The following TOX4 variants were observed in gnomAD, a reference collection of about 807,000 sequenced individuals.
TOX4 encodes TOX high mobility group box family member 4.
Under a neutral mutation model 61.0 loss-of-function variants are expected in TOX4, and 12 were observed. The ratio of observed to expected loss-of-function variants is 0.20; its 90% CI spans 0.13 to 0.32. The LOEUF (loss-of-function observed/expected upper bound fraction) is 0.32, where lower values mean the gene tolerates loss of function less well. Ranked by LOEUF, TOX4 falls within the 10% of genes least tolerant of loss-of-function variation. The pLI is 1.00. For missense variants in TOX4, 499 were observed against 753.3 expected (o/e 0.66, Z 3.95); for synonymous variants, 268 against 274.8 (o/e 0.98, Z 0.24).
At chr14:21,488,419 CT>C in intron 3 of TOX4, 170 bp from the exon 4 acceptor site, 1 of 712,630 alleles carries the variant, frequency 1.4e-6, no homozygotes, top group Admixed American at 3.1e-5. Flanking sequence ...AATTTCTGTA[CT>C]TTTTTAAAAA....
rs765821188 is a variant in TOX4 at position 21,499,094 on chromosome 14, A to G, written c.*2488A>G. Reference sequence around the variant, plus strand: ...GCGAGTGCCAGGAGATAGTCTTTCAATCATGCCATAGATTTCATCTGGTTT... The same window carrying G: ...GCGAGTGCCAGGAGATAGTCTTTCAGTCATGCCATAGATTTCATCTGGTTT... On this transcript the variant is annotated 3_prime_UTR_variant, in exon 9 of 9. Coordinates refer to ENST00000448790, the MANE Select transcript of TOX4 (RefSeq NM_014828.4). 7 of 1,614,172 alleles carry G rather than the reference A, an allele frequency of 4.3e-6. No individual in the cohort carries two copies. Among genetic ancestry groups the G allele is most frequent in the South Asian group, 2.2e-5 (2 of 91,084 alleles).
At chr14:21,478,818 T>G (rs1432973966) in intron 2 of TOX4, among the ~76,000 whole-genome samples, 1 of 151,996 alleles carries the variant, frequency 6.6e-6, no homozygotes, top group Non-Finnish European at 1.5e-5. Flanking sequence ...TTCTTTCTTT[T>G]TTTTTTTGAG....
In TOX4 at chr14:21,497,260, T is replaced by C. The variant is rs1167115106; in HGVS notation, c.*654T>C. 1 of 152,248 alleles carries C rather than the reference T, an allele frequency of 6.6e-6. No homozygotes were observed. The highest frequency in any genetic ancestry group is 1.9e-4 in the East Asian group (1 of 5,204). The allele number at this position is 152,248 out of a possible 1,614,324, so 9.4% of individuals were successfully genotyped here. A position where few individuals can be genotyped will look rare whatever the true frequency, so the allele number is the denominator to read the frequency against. On this transcript the variant is annotated 3_prime_UTR_variant, in exon 9 of 9. Transcript: ENST00000448790. ...CAAAGTCTAAAGTTGTATTCACTTG[T>C]GTTTGATGAACTATCTTTAAAAGAC...
At position 21,497,579 on chromosome 14, in the gene TOX4, G is replaced by A. The variant is rs1242668045; in HGVS notation, c.*973G>A. 6.8e-6 allele frequency: 1 copy of A among 146,828 alleles called. No individual in the cohort carries two copies. Among genetic ancestry groups the A allele is most frequent in the Non-Finnish European group, 1.5e-5 (1 of 67,248 alleles). The allele number at this position is 146,828 out of a possible 1,614,324, so 9.1% of individuals were successfully genotyped here. A position where few individuals can be genotyped will look rare whatever the true frequency, so the allele number is the denominator to read the frequency against. On this transcript the variant is annotated 3_prime_UTR_variant, in exon 9 of 9. Coordinates refer to ENST00000448790, the MANE Select transcript of TOX4 (RefSeq NM_014828.4). ...GTCTCGCTCTGTCACCCAGGCTGGA[G>A]TGCAGTGGTGCGACCTCAGCTCACT...
In TOX4 at chr14:21,489,422, A is replaced by G. The variant is rs1178135621; in HGVS notation, c.810+19A>G. 6.3e-7 allele frequency: 1 copy of G among 1,594,606 alleles called. No homozygotes were observed. The highest frequency in any genetic ancestry group is 8.5e-7 in the Non-Finnish European group (1 of 1,170,490). Reference sequence around the variant, plus strand: ...AAAACAGGTGAGCAAATATTGAGGAACTAGTAGTGAATGTTCCAGAAGTTT... The same window carrying G: ...AAAACAGGTGAGCAAATATTGAGGAGCTAGTAGTGAATGTTCCAGAAGTTT... On this transcript the variant is annotated intron_variant, in intron 5 of 8. Transcript: ENST00000448790.
At chr14:21,493,568 A>T (rs2139630810) in intron 7 of TOX4, among the ~76,000 whole-genome samples, 1 of 152,018 alleles carries the variant, frequency 6.6e-6, no homozygotes, top group East Asian at 1.9e-4. Context: ...CAGCCTCCCG[A>T]GTGGCTGGGA....
chr14:21,482,438 G>A, intron 2 of TOX4: 1 of 386,758 alleles, frequency 2.6e-6, no homozygotes. Context: ...AGAAATAATA[G>A]ATTGTATGTT....
At chr14:21,480,300 T>C (rs1891086204) in intron 2 of TOX4, among the ~76,000 whole-genome samples, 1 of 152,222 alleles carries the variant, frequency 6.6e-6, no homozygotes, top group South Asian at 2.1e-4. Context: ...AGAAATCTTA[T>C]TTTATTTTGC....
intron 2 of TOX4, among the ~76,000 whole-genome samples, chr14:21,483,106 T>C (rs1353210021): frequency 6.6e-6 from 1 of 152,210 alleles, no homozygotes; most frequent in Non-Finnish European, 1.5e-5. Context: ...AATTTTTTAG[T>C]GTACAAGGAG....
chr14:21,494,563 C>T (rs1594432725), intron 7 of TOX4, among the ~76,000 whole-genome samples: 1 of 151,956 alleles, frequency 6.6e-6, no homozygotes, highest in African/African-American at 2.4e-5. Context: ...CTGGCTAACA[C>T]GGTGAAAACC....
intron 5 of TOX4, among the ~76,000 whole-genome samples, chr14:21,490,519 T>C (rs1486380542): frequency 1.3e-5 from 2 of 152,160 alleles, no homozygotes; most frequent in South Asian, 4.1e-4. Context: ...ATCTTTACAA[T>C]AACTCTCAAA....
chr14:21,493,333 G>C lies in TOX4; in HGVS notation c.1641+76G>C, dbSNP rs895285450. On this transcript the variant is annotated intron_variant, in intron 7 of 8. Transcript: ENST00000448790. ...TTTTGGTTGACCCAATAACAGTGGG[G>C]GTTGCTACTAGCATTTAATGCCCAG... 2.0e-6 allele frequency: 3 copies of C among 1,487,104 alleles called. No homozygotes were observed. The East Asian group carries it at 6.9e-5, about 34-fold the overall frequency. 92.1% of individuals were successfully genotyped at this position (1,487,104 alleles called of 1,614,324 possible). A position where few individuals can be genotyped will look rare whatever the true frequency, so the allele number is the denominator to read the frequency against.
chr14:21,480,158 A>T (rs1478422790), intron 2 of TOX4, among the ~76,000 whole-genome samples: 4 of 152,224 alleles, frequency 2.6e-5, no homozygotes, highest in African/African-American at 9.6e-5. Flanking sequence ...TCACATCAAG[A>T]AACTTCCCAT....
rs930846656 is a variant in TOX4, at chr14:21,477,415, A to G, written c.7-81A>G. 6 of 1,609,974 alleles carry G rather than the reference A, an allele frequency of 3.7e-6. No homozygotes were observed. In the Admixed American group the frequency reaches 8.3e-5, roughly 22 times the overall value. On this transcript the variant is annotated intron_variant, in intron 1 of 8. Transcript: ENST00000448790. ...GCGGGGTTTGGGGAGTGTTGTCAGA[A>G]TGTCAGGGTCAAAAGCCATCGCTCC...
intron 7 of TOX4, among the ~76,000 whole-genome samples, chr14:21,494,812 G>C (rs1013877800): frequency 1.3e-5 from 2 of 151,282 alleles, no homozygotes; most frequent in Non-Finnish European, 2.9e-5. Flanking sequence ...CCAGCTACTT[G>C]GGAGGCTGAG....
rs191278245 is a variant in TOX4, at chr14:21,486,790, A to G, written c.76-661A>G. Among the ~76,000 whole-genome samples, 4 of 152,308 alleles carry G rather than the reference A, an allele frequency of 2.6e-5. No individual in the cohort carries two copies. The East Asian group carries it at 7.7e-4, about 29-fold the overall frequency. ...ACTGGAGTAATCCTTTTCCTCTCTT[A>G]GAGAGAAGCTTGGTCAGAGCAAGAC... is the stretch of plus-strand genomic sequence containing the variant. On this transcript the variant is annotated intron_variant, in intron 2 of 8. Coordinates refer to ENST00000448790, the MANE Select transcript of TOX4 (RefSeq NM_014828.4).
Position 21,492,900 on chromosome 14 carries a change from AGCTGCTGCT to A in TOX4, c.1294_1302del (p.Ala432_Ala434del). On this transcript the variant is annotated inframe_deletion, in exon 7 of 9. Coordinates refer to ENST00000448790, the MANE Select transcript of TOX4 (RefSeq NM_014828.4). ...CTCGGTCAGTGTTGCAGGCAGCAGC[AGCTGCTGCT>A]GCTGCTGCTTCTATGCAACTGCCTC... 3 of 1,605,294 alleles carry A rather than the reference AGCTGCTGCT, an allele frequency of 1.9e-6. No homozygotes were observed. The highest frequency in any genetic ancestry group is 2.2e-5 in the South Asian group (2 of 90,170).
rs1418710074 is a variant in TOX4 at position 21,498,089 on chromosome 14, G to A, written c.*1483G>A. On this transcript the variant is annotated 3_prime_UTR_variant, in exon 9 of 9. Transcript: ENST00000448790. Reference sequence around the variant, plus strand: ...CACATATAATACTGAGAGATGAGTTGCACAAGATTATACACTGTTAAGTAG... The same window carrying A: ...CACATATAATACTGAGAGATGAGTTACACAAGATTATACACTGTTAAGTAG... 1.5e-5 allele frequency: 9 copies of A among 591,202 alleles called. No individual in the cohort carries two copies. In the Admixed American group the frequency reaches 2.1e-4, roughly 14 times the overall value. 36.6% of individuals were successfully genotyped at this position (591,202 alleles called of 1,614,324 possible). A position where few individuals can be genotyped will look rare whatever the true frequency, so the allele number is the denominator to read the frequency against.
rs10431656 is a variant in TOX4 at position 21,497,588 on chromosome 14, T to C, written c.*982T>C. The C allele has an allele frequency of 2.8e-5, 4 of 145,150 alleles. No individual in the cohort carries two copies. In the East Asian group the frequency reaches 6.2e-4, roughly 22 times the overall value. 9.0% of individuals were successfully genotyped at this position (145,150 alleles called of 1,614,324 possible). The stretch of plus-strand genomic sequence containing the variant: ...TGTCACCCAGGCTGGAGTGCAGTGG[T>C]GCGACCTCAGCTCACTGAAACCTCT... On this transcript the variant is annotated 3_prime_UTR_variant, in exon 9 of 9. Coordinates refer to ENST00000448790, the MANE Select transcript of TOX4 (RefSeq NM_014828.4).
Sources: allele counts gnomAD v4.1 joint callset (sites outside exome capture counted in the v4.1 genomes callset), GRCh38; gene constraint gnomAD v4.1.1; transcripts MANE v1.5; gene names NCBI Gene and HGNC (gene_info 2026-07-23, HGNC 2026-07-21).